TUBGCP6: variants seen among roughly 807,000 people sequenced by gnomAD.
The protein encoded by TUBGCP6 is tubulin gamma complex component 6, also known as gamma-tubulin complex component 6.
Under a neutral mutation model 175.8 loss-of-function variants are expected in TUBGCP6, and 161 were observed. The ratio of observed to expected loss-of-function variants is 0.92; its 90% CI spans 0.81 to 1.04. TUBGCP6 has a LOEUF of 1.04. Ranked by LOEUF, TUBGCP6 falls within the 50% of genes least tolerant of loss-of-function variation. TUBGCP6 has a pLI of 0.00. For missense variants in TUBGCP6, 2,572 were observed against 2,433.0 expected (o/e 1.06, Z -1.20); for synonymous variants, 1,173 against 1,030.5 (o/e 1.14, Z -2.65).
At chr22:50,227,655 G>A (rs967054474) in intron 5 of TUBGCP6, among the ~76,000 whole-genome samples, 3 of 152,240 alleles carry the variant, frequency 2.0e-5, no homozygotes, top group African/African-American at 7.2e-5. Flanking sequence ...CAGGGACCCT[G>A]TGTGCCAATT....
chr22:50,234,063 CCT>C (rs1342066949), intron 2 of TUBGCP6, among the ~76,000 whole-genome samples: 1 of 149,516 alleles, frequency 6.7e-6, no homozygotes, highest in African/African-American at 2.5e-5. Context: ...ATCCACACCC[CCT>C]GTCCATGGCA....
intron 10 of TUBGCP6, 142 bp downstream of exon 10, chr22:50,225,652 C>T (rs2064595942): frequency 4.8e-6 from 5 of 1,047,418 alleles, no homozygotes; most frequent in East Asian, 5.5e-5. Context: ...CCTTGGCACC[C>T]ACCCAGGCCA....
chr22:50,219,501 G>C, intron 18 of TUBGCP6, 45 bp from the exon 19 acceptor site: 1 of 1,595,548 alleles, frequency 6.3e-7, no homozygotes, highest in Middle Eastern at 1.9e-4. Context: ...GGCCAGCCCA[G>C]GGCTCCGCCC....
intron 3 of TUBGCP6, 133 bp from the exon 4 acceptor site, chr22:50,229,710 G>C: frequency 1.2e-6 from 1 of 849,656 alleles, no homozygotes; most frequent in Non-Finnish European, 1.8e-6. Context: ...CAAATGCCCA[G>C]AAGGCATACC....
chr22:50,239,811 C>A (rs1191220058), intron 2 of TUBGCP6, among the ~76,000 whole-genome samples: 1 of 152,256 alleles, frequency 6.6e-6, no homozygotes, highest in Non-Finnish European at 1.5e-5. Flanking sequence ...ACTAATCACA[C>A]AGCCTGCCAG....
chr22:50,235,489 C>T (rs2064766030), intron 2 of TUBGCP6, among the ~76,000 whole-genome samples: 1 of 152,246 alleles, frequency 6.6e-6, no homozygotes, highest in Admixed American at 6.5e-5. Context: ...CCAGAAGGCA[C>T]GGCACTCAAG....
chr22:50,229,332 G>A, intron 4 of TUBGCP6, 72 bp downstream of exon 4: 2 of 1,533,942 alleles, frequency 1.3e-6, no homozygotes, highest in Non-Finnish European at 8.9e-7. Flanking sequence ...AAGGACCTCT[G>A]AGATTCTCTC....
rs985345843 is a variant in TUBGCP6 at position 50,227,979 on chromosome 22, A to G, written c.1340T>C (p.Val447Ala). 43 of 1,571,468 alleles carry G rather than the reference A, an allele frequency of 2.7e-5. No individual in the cohort carries two copies. The highest frequency in any genetic ancestry group is 2.4e-4 in the African/African-American group (18 of 74,478). ...GCTCAGGGTGGGCGGAGTGGAAAGG[A>G]CGCAGGCCCGGTAATACTGCAGGTA... ...RRYLQYYRAC[V>A]LSTPPTLSLL... is the part of the protein sequence containing the mutation. The change falls in exon 5 of 25, where the codon GTC becomes GCC. Residue 447 changes from valine to alanine, a missense_variant. Val to Ala is a moderately conservative substitution (Grantham distance 64). Coordinates refer to ENST00000248846, the MANE Select transcript of TUBGCP6 (RefSeq NM_020461.4).
chr22:50,232,038 C>G (rs949991132), intron 3 of TUBGCP6, among the ~76,000 whole-genome samples: 1 of 150,150 alleles, frequency 6.7e-6, no homozygotes, highest in Non-Finnish European at 1.5e-5. Flanking sequence ...CTGGGCAACA[C>G]GGCAAGACCC....
chr22:50,231,987 G>A (rs78448184), intron 3 of TUBGCP6, among the ~76,000 whole-genome samples: 4,073 of 152,256 alleles, frequency 0.027, 107 homozygotes, highest in East Asian at 0.13. Flanking sequence ...TTGGGAGGCT[G>A]AGGCAGGCAG....
At position 50,221,471 on chromosome 22, in the gene TUBGCP6, G is replaced by C; in HGVS notation, c.2888C>G (p.Thr963Ser). Residue 963 changes from threonine to serine, a missense_variant, in exon 16 of 25, where the codon ACC (threonine) becomes AGC (serine). By Grantham distance (58) the Thr-to-Ser change is moderately conservative (BLOSUM62 1). Coordinates refer to ENST00000248846, the MANE Select transcript of TUBGCP6 (RefSeq NM_020461.4). ...FSTVLRPAVA[T>S]SPAPGPLQAA... ...CTGCAGGGGCCCTGGTGCAGGTGAG[G>C]TGGCCACAGCTGGCCTCAGGACAGT... is the stretch of plus-strand genomic sequence containing the variant. 6.3e-7 allele frequency: 1 copy of C among 1,592,508 alleles called. No individual in the cohort carries two copies. The highest frequency in any genetic ancestry group is 8.5e-7 in the Non-Finnish European group (1 of 1,171,452).
chr22:50,236,277 A>G (rs2064777801), intron 2 of TUBGCP6, among the ~76,000 whole-genome samples: 1 of 152,038 alleles, frequency 6.6e-6, no homozygotes, highest in Non-Finnish European at 1.5e-5. Context: ...CTGGGACTAC[A>G]GGCACGGGCC....
chr22:50,222,693 G>A (rs1471874490), intron 13 of TUBGCP6, 101 bp from the exon 14 acceptor site: 3 of 1,512,280 alleles, frequency 2.0e-6, no homozygotes, highest in African/African-American at 2.8e-5. Context: ...AGAGGCCCCA[G>A]TGGGCCCCCG....
At chr22:50,229,661 C>A in intron 3 of TUBGCP6, 84 bp from the exon 4 acceptor site, 1 of 1,407,944 alleles carries the variant, frequency 7.1e-7, no homozygotes, top group South Asian at 1.3e-5. Context: ...CCCTTGCACC[C>A]AACCCCACGC....
At chr22:50,242,412 G>A (rs2064851033) in intron 1 of TUBGCP6, among the ~76,000 whole-genome samples, 1 of 152,126 alleles carries the variant, frequency 6.6e-6, no homozygotes, top group Non-Finnish European at 1.5e-5. Context: ...CAGGAGAATC[G>A]CTTGAACCCA....
At chr22:50,218,164 G>T in intron 23 of TUBGCP6, 25 bp downstream of exon 23, 1 of 1,610,062 alleles carries the variant, frequency 6.2e-7, no homozygotes, top group Middle Eastern at 1.7e-4. Context: ...TGACCACAGG[G>T]ACGCAGCCGC....
chr22:50,219,437 A>G lies in TUBGCP6; in HGVS notation c.4335T>C (p.His1445=). Residue 1445 remains histidine (H), a synonymous_variant, in exon 19 of 25, where the codon CAT becomes CAC. Transcript: ENST00000248846. The stretch of plus-strand genomic sequence containing the variant: ...CCCGGGGAAGCACGGGGCGCAAAAG[A>G]TGAGCAATGGGCGGCTCGGCTGCGG... The part of the protein sequence containing the change: ...YESMSEPPIA[H]LLRPVLPRAF... 3 of 1,574,020 alleles carry G rather than the reference A, an allele frequency of 1.9e-6. No homozygotes were observed. Among genetic ancestry groups the G allele is most frequent in the Non-Finnish European group, 2.6e-6 (3 of 1,160,864 alleles).
chr22:50,233,331 C>A lies in TUBGCP6; in HGVS notation c.1101G>T (p.Thr367=). 1 of 1,613,518 alleles carries A rather than the reference C, an allele frequency of 6.2e-7. No homozygotes were observed. Among genetic ancestry groups the A allele is most frequent in the Non-Finnish European group, 8.5e-7 (1 of 1,179,748 alleles). Residue 367 remains threonine, a synonymous_variant, in exon 3 of 25, where the codon ACG becomes ACT. Transcript: ENST00000248846. ...LNVLIGVVSA[T]FSLCQPAQAF... ...CAGTTCTCACCTGGCAGAGCGAAAA[C>A]GTGGCAGACACGACCCCAATCAAGA...
chr22:50,218,040 C>T lies in TUBGCP6; in HGVS notation c.5246G>A (p.Ser1749Asn). 1 of 1,613,492 alleles carries T rather than the reference C, an allele frequency of 6.2e-7. No individual in the cohort carries two copies. The highest frequency in any genetic ancestry group is 8.5e-7 in the Non-Finnish European group (1 of 1,179,960). ...CCCCCAGGCCTGGGAGATGAGCTGG[C>T]TGCGGAACTTGAGCACGAGGCTGAA... ...SIFSLVLKFRSQLISQAWGPP... is the reference protein window; with the variant it reads ...SIFSLVLKFRNQLISQAWGPP... Residue 1749 changes from serine (S) to asparagine (N), a missense_variant, in exon 24 of 25, where the codon AGC becomes AAC. Transcript: ENST00000248846.
Sources: gnomAD v4.1 joint callset for allele counts (sites outside exome capture counted in the v4.1 genomes callset) on GRCh38, gnomAD v4.1.1 for gene constraint, MANE v1.5 for transcripts, NCBI Gene and HGNC (gene_info 2026-07-23, HGNC 2026-07-21) for gene names.